Variants in COL24A1 observed in about 807,000 individuals in gnomAD.
COL24A1 encodes collagen type XXIV alpha 1 chain, also known as collagen alpha-1(XXIV) chain.
Under a neutral mutation model 253.9 loss-of-function variants are expected in COL24A1, and 224 were observed. The ratio of observed to expected loss-of-function variants is 0.88; its 90% CI spans 0.79 to 0.99. COL24A1 has a LOEUF of 0.99. Ranked by LOEUF, COL24A1 falls within the 50% of genes least tolerant of loss-of-function variation. The probability of loss-of-function intolerance (pLI) is 0.00; values close to 1 mark genes in which losing one functional copy is unlikely to be tolerated. For missense variants in COL24A1, 2,131 were observed against 2,068.5 expected, an observed-to-expected ratio of 1.03 and a Z score of -0.59; for synonymous variants, 685 against 673.7, an observed-to-expected ratio of 1.02 and a Z score of -0.26.
At chr1:86,112,521 C>T in intron 5 of COL24A1, 46 bp downstream of exon 5, 6 of 1,521,240 alleles carry the variant, frequency 3.9e-6, no homozygotes, top group Non-Finnish European at 2.7e-6. Flanking sequence ...TCAGGAAAAT[C>T]AGGTGATACT....
At chr1:86,114,633 T>A (rs975219139) in intron 4 of COL24A1, among the ~76,000 whole-genome samples, 1 of 152,194 alleles carries the variant, frequency 6.6e-6, no homozygotes, top group African/African-American at 2.4e-5. Flanking sequence ...GATGTGACTA[T>A]GGACAACTTA....
chr1:85,892,414 T>C (rs888264633), intron 31 of COL24A1, among the ~76,000 whole-genome samples: 152 of 152,040 alleles, frequency 1.0e-3, no homozygotes, highest in African/African-American at 3.5e-3. Flanking sequence ...AGACATTTTA[T>C]AAACAAAAAC....
At chr1:86,151,212 C>T (rs923968763) in intron 1 of COL24A1, among the ~76,000 whole-genome samples, 7 of 152,054 alleles carry the variant, frequency 4.6e-5, no homozygotes, top group Non-Finnish European at 2.9e-5. Flanking sequence ...AAATAGTCTA[C>T]TAAGTTGTTA....
intron 3 of COL24A1, among the ~76,000 whole-genome samples, chr1:86,122,542 C>T (rs4144876): frequency 0.73 from 110,232 of 151,834 alleles, 39,979 homozygotes; most frequent in Middle Eastern, 0.77. Flanking sequence ...TTACCAACAG[C>T]TCTTTAAATG....
At chr1:86,031,983 C>A (rs1223695291) in intron 13 of COL24A1, 61 bp from the exon 14 acceptor site, 7 of 1,377,250 alleles carry the variant, frequency 5.1e-6, no homozygotes, top group Admixed American at 3.9e-5. Flanking sequence ...AAGGGTATTT[C>A]TGAAGATAAA....
At chr1:86,111,559 C>T (rs941964048) in intron 5 of COL24A1, among the ~76,000 whole-genome samples, 20 of 152,302 alleles carry the variant, frequency 1.3e-4, no homozygotes, top group African/African-American at 4.8e-4. Context: ...ATGGACCGAT[C>T]AGCAGGATGT....
chr1:86,084,581 A>G (rs1702912697), intron 7 of COL24A1, among the ~76,000 whole-genome samples: 1 of 152,240 alleles, frequency 6.6e-6, no homozygotes, highest in Non-Finnish European at 1.5e-5. Context: ...TGATAGATGA[A>G]TTCTTGAAAT....
At position 85,744,766 on chromosome 1, in the gene COL24A1, A is replaced by G. The variant is rs780260992; in HGVS notation, c.4572T>C (p.Leu1524=). The G allele has an allele frequency of 6.2e-7, 1 of 1,610,246 alleles. No homozygotes were observed. The highest frequency in any genetic ancestry group is 1.7e-5 in the Admixed American group (1 of 59,448). Reference sequence around the variant, plus strand: ...TCTTGATGCTGTGCAATAAATTGCTAAGGTAGTTCAGGGTTTTGAATATCT... The same window carrying G: ...TCTTGATGCTGTGCAATAAATTGCTGAGGTAGTTCAGGGTTTTGAATATCT... The part of the protein sequence containing the change: ...SEEIFKTLNY[L]SNLLHSIKNP... Residue 1524 remains leucine (L), a synonymous_variant, in exon 57 of 60, where the codon CTT becomes CTC. Coordinates refer to ENST00000370571, the MANE Select transcript of COL24A1 (RefSeq NM_152890.7).
rs373258633 is a variant in COL24A1 at position 85,849,200 on chromosome 1, A to C, written c.3354+153T>G. Among the ~76,000 whole-genome samples the C allele has an allele frequency of 1.2e-4, 19 of 152,276 alleles. No individual in the cohort carries two copies. The South Asian group carries it at 1.4e-3, about 12-fold the overall frequency. ...TAATAAGTACTCCTAACTGAAATTA[A>C]ATATTAATTTATATAAATGTATCTT... On this transcript the variant is annotated intron_variant, in intron 38 of 59. Transcript: ENST00000370571.
At chr1:86,129,282 C>T (rs1377329313) in intron 2 of COL24A1, among the ~76,000 whole-genome samples, 1 of 150,764 alleles carries the variant, frequency 6.6e-6, no homozygotes, top group African/African-American at 2.4e-5. Flanking sequence ...TGTCTGTGGC[C>T]CTCTGTCTCA....
intron 59 of COL24A1, 51 bp downstream of exon 59, chr1:85,734,698 T>G: frequency 6.7e-7 from 1 of 1,490,408 alleles, no homozygotes; most frequent in Non-Finnish European, 9.3e-7. Context: ...TATGGTTTTA[T>G]CAATTTTAAG....
At chr1:85,862,675 T>C (rs949284182) in intron 37 of COL24A1, among the ~76,000 whole-genome samples, 3 of 152,234 alleles carry the variant, frequency 2.0e-5, no homozygotes, top group Admixed American at 6.5e-5. Flanking sequence ...CTATTTGTGT[T>C]GCTTTATGAT....
chr1:85,990,663 G>A (rs1158856124), intron 19 of COL24A1, among the ~76,000 whole-genome samples: 1 of 152,214 alleles, frequency 6.6e-6, no homozygotes, highest in South Asian at 2.1e-4. Flanking sequence ...GGTATCAAAA[G>A]TAGAGTCATA....
chr1:85,913,390 T>C (rs1685561249), intron 24 of COL24A1, among the ~76,000 whole-genome samples: 2 of 152,148 alleles, frequency 1.3e-5, no homozygotes, highest in Non-Finnish European at 2.9e-5. Context: ...CTCCTATAAC[T>C]AGTATTTTGG....
chr1:85,890,100 T>C (rs1442360818), intron 31 of COL24A1, among the ~76,000 whole-genome samples: 1 of 152,182 alleles, frequency 6.6e-6, no homozygotes, highest in African/African-American at 2.4e-5. Context: ...CTTTTTAAGA[T>C]TGGGTCCACT....
intron 26 of COL24A1, 107 bp downstream of exon 26, chr1:85,909,843 A>C: frequency 1.1e-6 from 1 of 901,014 alleles, no homozygotes; most frequent in Non-Finnish European, 1.8e-6. Flanking sequence ...TGGGAAATTT[A>C]ACATTTTTTA....
chr1:85,769,925 C>CT (rs1426711478), intron 53 of COL24A1, among the ~76,000 whole-genome samples: 10 of 152,080 alleles, frequency 6.6e-5, no homozygotes, highest in African/African-American at 2.4e-4. Flanking sequence ...ATGTGAAATG[C>CT]TTGTGACATT....
In COL24A1 at chr1:86,045,282, G is replaced by A. The variant is rs530770056; in HGVS notation, c.1950+1543C>T. ...TGGGATTACAGGTGTGAGCCACCGC[G>A]CCCAGCCTTCAGACTGTACCTACTT... On this transcript the variant is annotated intron_variant, in intron 12 of 59. Transcript: ENST00000370571. Among the ~76,000 whole-genome samples, 264 of 152,236 alleles carry A rather than the reference G, an allele frequency of 1.7e-3. 1 individual carries two copies. The highest frequency in any genetic ancestry group is 6.0e-3 in the African/African-American group (248 of 41,552).
At chr1:85,872,095 T>C (rs1680577506) in intron 35 of COL24A1, among the ~76,000 whole-genome samples, 1 of 152,162 alleles carries the variant, frequency 6.6e-6, no homozygotes, top group African/African-American at 2.4e-5. Flanking sequence ...CCATTCACAA[T>C]TGCTTCAAAG....
Sources: gnomAD v4.1 joint callset for allele counts (sites outside exome capture counted in the v4.1 genomes callset) on GRCh38, gnomAD v4.1.1 for gene constraint, MANE v1.5 for transcripts, NCBI Gene and HGNC (gene_info 2026-07-23, HGNC 2026-07-21) for gene names.